Variants in CKAP2L observed in about 807,000 individuals in gnomAD.
CKAP2L encodes the protein cytoskeleton-associated protein 2-like.
In CKAP2L, 42 loss-of-function variants were observed where a neutral mutation model predicts 65.7. The ratio of observed to expected loss-of-function variants is 0.64; its 90% CI spans 0.50 to 0.83. The LOEUF is 0.83. CKAP2L is among the 40% of genes least tolerant of loss of function. The probability of loss-of-function intolerance (pLI) is 0.00; values close to 1 mark genes in which losing one functional copy is unlikely to be tolerated. For synonymous variants in CKAP2L, 325 were observed against 313.5 expected (o/e 1.04, Z -0.39); for missense variants, 908 against 871.0 (o/e 1.04, Z -0.53).
intron 1 of CKAP2L, 122 bp downstream of exon 1, chr2:112,764,440 A>G: frequency 9.0e-7 from 1 of 1,108,056 alleles, no homozygotes; most frequent in Non-Finnish European, 1.4e-6. Context: ...GAAAACGCCC[A>G]GGGGAAACTT....
rs1045843299 is a variant in CKAP2L at position 112,737,302 on chromosome 2, A to G, written c.*1521T>C. 1 of 151,844 alleles carries G rather than the reference A, an allele frequency of 6.6e-6. No homozygotes were observed. Among genetic ancestry groups the G allele is most frequent in the Non-Finnish European group, 1.5e-5 (1 of 67,932 alleles). The allele number at this position is 151,844 out of a possible 1,614,324, so 9.4% of individuals were successfully genotyped here. ...ATTTTTAATTTCTTTAGGAGCCTCC[A>G]TACCGTTTTCCATAACGGCTGCCCC... On this transcript the variant is annotated 3_prime_UTR_variant, in exon 9 of 9. Coordinates refer to ENST00000302450, the MANE Select transcript of CKAP2L (RefSeq NM_152515.5).
rs1679617387 is a variant in CKAP2L, at chr2:112,738,922, A to G, written c.2139T>C (p.Ser713=). The G allele has an allele frequency of 1.2e-6, 2 of 1,614,176 alleles. No individual in the cohort carries two copies. Residue 713 remains serine, a synonymous_variant, in exon 9 of 9, where the codon TCT becomes TCC. Coordinates refer to ENST00000302450, the MANE Select transcript of CKAP2L (RefSeq NM_152515.5). The part of the protein sequence containing the change: ...MLQEHDLVVA[S]LDELLEVEET... ...CTTCCACTTCTAACAGTTCATCAAGAGAAGCCACTACTAAATCGTGTTCCT... is the reference window on the plus strand; with the variant it reads ...CTTCCACTTCTAACAGTTCATCAAGGGAAGCCACTACTAAATCGTGTTCCT...
intron 7 of CKAP2L, 64 bp from the exon 8 acceptor site, chr2:112,741,071 A>C: frequency 9.4e-7 from 1 of 1,068,070 alleles, no homozygotes; most frequent in Non-Finnish European, 1.4e-6. Flanking sequence ...CTAGAAGTCA[A>C]TAACATGAAA....
At chr2:112,757,933 T>G (rs1573236218) in intron 3 of CKAP2L, among the ~76,000 whole-genome samples, 1 of 152,186 alleles carries the variant, frequency 6.6e-6, no homozygotes, top group African/African-American at 2.4e-5. Flanking sequence ...GTACTTTGTA[T>G]AGCCACACTA....
At chr2:112,749,568 C>T (rs1254699162) in intron 5 of CKAP2L, among the ~76,000 whole-genome samples, 1 of 151,744 alleles carries the variant, frequency 6.6e-6, no homozygotes, top group Non-Finnish European at 1.5e-5. Context: ...ACACATAGGC[C>T]ACATTCACCA....
At chr2:112,758,580 C>T (rs1680615235) in intron 3 of CKAP2L, among the ~76,000 whole-genome samples, 1 of 152,036 alleles carries the variant, frequency 6.6e-6, no homozygotes, top group South Asian at 2.1e-4. Context: ...GATGGTATAC[C>T]CACAATGGCT....
rs1365844979 is a variant in CKAP2L at position 112,738,798 on chromosome 2, C to CT, written c.*24dup. On this transcript the variant is annotated 3_prime_UTR_variant, in exon 9 of 9. Transcript: ENST00000302450. ...TTGTCTTATGTTGGTTCTGAAACAC[C>CT]TTTTTTAAAAAAAGCATCAAGAAAT... The CT allele has an allele frequency of 3.3e-6, 5 of 1,506,272 alleles. No individual in the cohort carries two copies. Among genetic ancestry groups the CT allele is most frequent in the East Asian group, 4.5e-5 (2 of 44,370 alleles). 93.3% of individuals were successfully genotyped at this position (1,506,272 alleles called of 1,614,324 possible).
At chr2:112,754,649 T>G (rs1039448094) in intron 4 of CKAP2L, among the ~76,000 whole-genome samples, 1 of 152,222 alleles carries the variant, frequency 6.6e-6, no homozygotes, top group Non-Finnish European at 1.5e-5. Flanking sequence ...ACACTGCAGG[T>G]GCTGAAGAAA....
chr2:112,760,325 T>C (rs1680679888), intron 3 of CKAP2L, among the ~76,000 whole-genome samples: 1 of 152,218 alleles, frequency 6.6e-6, no homozygotes, highest in South Asian at 2.1e-4. Context: ...TGTCACTTAA[T>C]AGCTATACGA....
intron 5 of CKAP2L, 66 bp from the exon 6 acceptor site, chr2:112,746,641 T>C: frequency 8.2e-7 from 1 of 1,218,496 alleles, no homozygotes; most frequent in Non-Finnish European, 1.2e-6. Context: ...CATCTCCTAA[T>C]ATTTATTACA....
At chr2:112,747,952 G>A (rs1210504100) in intron 5 of CKAP2L, among the ~76,000 whole-genome samples, 10 of 152,182 alleles carry the variant, frequency 6.6e-5, no homozygotes, top group Admixed American at 2.6e-4. Context: ...CATGGACAGC[G>A]CTGAAGAATA....
rs1222572447 is a variant in CKAP2L at position 112,746,521 on chromosome 2, T to C, written c.1657A>G (p.Lys553Glu). Reference sequence around the variant, plus strand: ...TTGCAGATCCAGAATTTAGCAAATTTTTCAGCTTCAGGAATGCTGGACAAT... The same window carrying C: ...TTGCAGATCCAGAATTTAGCAAATTCTTCAGCTTCAGGAATGCTGGACAAT... The part of the protein sequence containing the change: ...NILSSIPEAE[K>E]FAKFWICKAK... Residue 553 changes from lysine (K) to glutamate (E), a missense_variant, in exon 6 of 9, where the codon AAA becomes GAA. Lys to Glu is a moderately conservative substitution (Grantham distance 56). Coordinates refer to ENST00000302450, the MANE Select transcript of CKAP2L (RefSeq NM_152515.5). The C allele has an allele frequency of 6.2e-7, 1 of 1,613,406 alleles. No individual in the cohort carries two copies. Among genetic ancestry groups the C allele is most frequent in the Non-Finnish European group, 8.5e-7 (1 of 1,179,560 alleles).
chr2:112,748,442 T>C (rs1233032787), intron 5 of CKAP2L, among the ~76,000 whole-genome samples: 1 of 93,230 alleles, frequency 1.1e-5, no homozygotes, highest in Admixed American at 1.3e-4. Context: ...AGCCAAACTA[T>C]GATTCCAGCA....
rs1396759013 is a variant in CKAP2L at position 112,752,492 on chromosome 2, GGA to G, written c.1395-20_1395-19del. On this transcript the variant is annotated intron_variant, in intron 4 of 8. Coordinates refer to ENST00000302450, the MANE Select transcript of CKAP2L (RefSeq NM_152515.5). Reference sequence around the variant, plus strand: ...GTTGTTTCCTGAAATTCAATTAAAGGGAGAGTGGTTTTATTTATTTTTAAACA... The same window carrying G: ...GTTGTTTCCTGAAATTCAATTAAAGGGAGTGGTTTTATTTATTTTTAAACA... The G allele has an allele frequency of 2.0e-6, 3 of 1,497,512 alleles. No individual in the cohort carries two copies. Among genetic ancestry groups the G allele is most frequent in the African/African-American group, 2.8e-5 (2 of 71,034 alleles). The allele number at this position is 1,497,512 out of a possible 1,614,324, so 92.8% of individuals were successfully genotyped here.
rs373066309 is a variant in CKAP2L, at chr2:112,762,582, C to T, written c.38-13G>A. ...CTCTGCCGCTCTTCTGCAACACAGG[C>T]AAGCAAACAAACGACATAACTTTAG... On this transcript the variant is annotated splice_polypyrimidine_tract_variant and intron_variant, in intron 1 of 8. Coordinates refer to ENST00000302450, the MANE Select transcript of CKAP2L (RefSeq NM_152515.5). 18 of 1,607,898 alleles carry T rather than the reference C, an allele frequency of 1.1e-5. 1 individual carries two copies. The highest frequency in any genetic ancestry group is 1.7e-4 in the Middle Eastern group (1 of 6,050).
chr2:112,744,176 T>TA (rs150690779), intron 6 of CKAP2L, among the ~76,000 whole-genome samples: 2,554 of 152,346 alleles, frequency 0.017, 74 homozygotes, highest in African/African-American at 0.058. Flanking sequence ...GGATTAAATA[T>TA]ACGTTTATTT....
chr2:112,748,033 G>A (rs537559993), intron 5 of CKAP2L, among the ~76,000 whole-genome samples: 10 of 152,220 alleles, frequency 6.6e-5, no homozygotes, highest in African/African-American at 1.4e-4. Flanking sequence ...GAAGTGAACA[G>A]TATGAAAACA....
chr2:112,758,184 G>A (rs1301477680), intron 3 of CKAP2L, among the ~76,000 whole-genome samples: 1 of 152,200 alleles, frequency 6.6e-6, no homozygotes, highest in Non-Finnish European at 1.5e-5. Context: ...TGTGATTTAA[G>A]TTTGGATAAG....
chr2:112,744,076 A>G (rs1211486706), intron 6 of CKAP2L, among the ~76,000 whole-genome samples: 1 of 152,266 alleles, frequency 6.6e-6, no homozygotes, highest in African/African-American at 2.4e-5. Flanking sequence ...GAATGGGAAT[A>G]AATGTATAGA....
Sources: gnomAD v4.1 joint callset for allele counts (sites outside exome capture counted in the v4.1 genomes callset) on GRCh38, gnomAD v4.1.1 for gene constraint, MANE v1.5 for transcripts, NCBI Gene and HGNC (gene_info 2026-07-23, HGNC 2026-07-21) for gene names.